The following MAPK10 variants were observed in gnomAD, a reference collection of about 807,000 sequenced individuals.
The protein encoded by MAPK10 is mitogen-activated protein kinase 10, also known as JNK3 alpha protein kinase.
MAPK10 carries 25 observed loss-of-function variants against 59.3 expected under a neutral mutation model. The observed-to-expected ratio is 0.42, with a 90% CI of 0.31 to 0.59. MAPK10 has a LOEUF of 0.59. MAPK10 is among the 20% of genes least tolerant of loss of function. MAPK10 has a pLI of 0.15. For missense variants in MAPK10, 351 were observed against 568.9 expected, an observed-to-expected ratio of 0.62 and a Z score of 3.90; for synonymous variants, 190 against 200.5, an observed-to-expected ratio of 0.95 and a Z score of 0.44.
At position 86,520,921 on chromosome 4, in the gene MAPK10, G is replaced by A. The variant is rs75128175; in HGVS notation, c.-263+72989C>T. Among the ~76,000 whole-genome samples the A allele has an allele frequency of 3.9e-3, 594 of 152,264 alleles. 14 individuals carry two copies. The highest frequency in any genetic ancestry group is 0.031 in the East Asian group (160 of 5,178). On this transcript the variant is annotated intron_variant, in intron 1 of 4. Transcript: ENST00000502302. Reference sequence around the variant, plus strand: ...ACCCAATGGGGCTACTGGATTCCTGGCTCATGCTGGAAAATGTCTGCAAAG... The same window carrying A: ...ACCCAATGGGGCTACTGGATTCCTGACTCATGCTGGAAAATGTCTGCAAAG...
chr4:86,551,749 AGGG>A (rs1759807102), intron 1 of MAPK10, among the ~76,000 whole-genome samples: 1 of 152,008 alleles, frequency 6.6e-6, no homozygotes, highest in Non-Finnish European at 1.5e-5. Context: ...GAATCACAGG[AGGG>A]CACCACCACA....
intron 2 of MAPK10, among the ~76,000 whole-genome samples, chr4:86,350,507 T>G (rs1730764424): frequency 6.6e-6 from 1 of 151,896 alleles, no homozygotes; most frequent in Middle Eastern, 3.4e-3. Flanking sequence ...AGCCACCACG[T>G]CTGGCCAATT....
chr4:86,280,140 A>G (rs558191057), intron 2 of MAPK10, among the ~76,000 whole-genome samples: 1 of 152,318 alleles, frequency 6.6e-6, no homozygotes, highest in African/African-American at 2.4e-5. Context: ...GCAGAAGCAG[A>G]GCAAAAGAAA....
At chr4:86,079,679 C>T (rs1449721592) in intron 9 of MAPK10, 2 of 152,120 alleles carry the variant, frequency 1.3e-5, no homozygotes, top group East Asian at 3.8e-4. Flanking sequence ...GAAGCTGATA[C>T]AAACAGCCTA....
At chr4:86,335,675 G>T (rs190992525) in intron 2 of MAPK10, among the ~76,000 whole-genome samples, 2 of 152,124 alleles carry the variant, frequency 1.3e-5, no homozygotes, top group Admixed American at 6.5e-5. Flanking sequence ...AAGAAAAGAG[G>T]TTTAATGGAC....
chr4:86,109,054 T>C (rs904443847), intron 4 of MAPK10, among the ~76,000 whole-genome samples: 2 of 152,142 alleles, frequency 1.3e-5, no homozygotes, highest in African/African-American at 4.8e-5. Context: ...AAATAAACAT[T>C]GCTACTCTGG....
chr4:86,266,106 C>T (rs1373713431), intron 2 of MAPK10, among the ~76,000 whole-genome samples: 3 of 152,078 alleles, frequency 2.0e-5, no homozygotes, highest in African/African-American at 4.8e-5. Flanking sequence ...GAACATGTGA[C>T]GAACTTTGTG....
In MAPK10 at chr4:86,315,465, G is replaced by A. The variant is rs139058840; in HGVS notation, c.-7+39065C>T. On this transcript the variant is annotated intron_variant, in intron 2 of 13. Transcript: ENST00000641462. Reference sequence around the variant, plus strand: ...AGATGGATATCCCACTTTCCATGATGTGATTATTATGCATTACATGCCTGT... The same window carrying A: ...AGATGGATATCCCACTTTCCATGATATGATTATTATGCATTACATGCCTGT... 6.2e-4 allele frequency among the ~76,000 whole-genome samples: 95 copies of A among 152,088 alleles called. No individual in the cohort carries two copies. In the East Asian group the frequency reaches 0.012, roughly 19 times the overall value.
chr4:86,101,813 C>T, intron 7 of MAPK10, 81 bp downstream of exon 7: 1 of 1,410,380 alleles, frequency 7.1e-7, no homozygotes. Context: ...TTGACCAATG[C>T]CCCCCGTATA....
chr4:86,399,633 T>C (rs1288801939), intron 1 of MAPK10: 1 of 152,192 alleles, frequency 6.6e-6, no homozygotes, highest in Non-Finnish European at 1.5e-5. Context: ...TGTGACTTTA[T>C]CAACTGGTTC....
intron 11 of MAPK10, among the ~76,000 whole-genome samples, chr4:86,057,633 G>A (rs1335650581): frequency 6.7e-6 from 1 of 149,330 alleles, no homozygotes; most frequent in Non-Finnish European, 1.5e-5. Flanking sequence ...ATTCAATGCT[G>A]AATCACTATC....
At chr4:86,375,414 C>A (rs1257406467) in intron 1 of MAPK10, among the ~76,000 whole-genome samples, 1 of 151,892 alleles carries the variant, frequency 6.6e-6, no homozygotes, top group Non-Finnish European at 1.5e-5. Context: ...GTTCAACTAC[C>A]AAAACTTATA....
At chr4:86,302,396 T>C (rs1231400197) in intron 2 of MAPK10, among the ~76,000 whole-genome samples, 1 of 152,090 alleles carries the variant, frequency 6.6e-6, no homozygotes, top group African/African-American at 2.4e-5. Context: ...TAAGAAACAA[T>C]TGCTTGGAAC....
At chr4:86,098,008 C>T (rs1296920035) in intron 9 of MAPK10, among the ~76,000 whole-genome samples, 1 of 152,070 alleles carries the variant, frequency 6.6e-6, no homozygotes, top group Non-Finnish European at 1.5e-5. Context: ...TGCAGAAGTT[C>T]ATGTTTTGAG....
intron 13 of MAPK10, among the ~76,000 whole-genome samples, chr4:86,023,318 T>C (rs1369012327): frequency 6.6e-6 from 1 of 152,240 alleles, no homozygotes; most frequent in Non-Finnish European, 1.5e-5. Flanking sequence ...CAAATAGCAC[T>C]CTGTCTTGAA....
intron 11 of MAPK10, among the ~76,000 whole-genome samples, chr4:86,055,773 A>C (rs139465513): frequency 1.3e-5 from 2 of 149,594 alleles, no homozygotes; most frequent in African/African-American, 2.5e-5. Context: ...AATTTCTACC[A>C]AAAAAAATCC....
At chr4:86,473,956 C>A (rs1423987549) in intron 1 of MAPK10, among the ~76,000 whole-genome samples, 2 of 151,930 alleles carry the variant, frequency 1.3e-5, no homozygotes, top group African/African-American at 4.8e-5. Flanking sequence ...TCAAGACCAG[C>A]CCTGGCAACA....
At chr4:86,375,305 A>C (rs1739609544) in intron 1 of MAPK10, among the ~76,000 whole-genome samples, 2 of 152,196 alleles carry the variant, frequency 1.3e-5, no homozygotes, top group Admixed American at 6.5e-5. Context: ...TCTACAATAC[A>C]AATAGAAAAA....
chr4:86,250,384 A>G (rs1401405827), intron 2 of MAPK10, among the ~76,000 whole-genome samples: 1 of 152,174 alleles, frequency 6.6e-6, no homozygotes, highest in Non-Finnish European at 1.5e-5. Flanking sequence ...GACTTACTCT[A>G]TTCTATTTTA....
Sources: gnomAD v4.1 joint callset for allele counts (sites outside exome capture counted in the v4.1 genomes callset) on GRCh38, gnomAD v4.1.1 for gene constraint, MANE v1.5 for transcripts, NCBI Gene and HGNC (gene_info 2026-07-23, HGNC 2026-07-21) for gene names.